PEPD: variants seen among roughly 807,000 people sequenced by gnomAD.
PEPD encodes the protein xaa-Pro dipeptidase.
PEPD carries 53 observed loss-of-function variants against 60.7 expected under a neutral mutation model. The ratio of observed to expected loss-of-function variants is 0.87; its 90% CI spans 0.70 to 1.10. PEPD has a LOEUF of 1.10. Ranked by LOEUF, PEPD falls within the 50% of genes least tolerant of loss-of-function variation. PEPD has a pLI of 0.00. For missense variants in PEPD, 711 were observed against 711.9 expected, an observed-to-expected ratio of 1.00 and a Z score of 0.01; for synonymous variants, 267 against 284.1, an observed-to-expected ratio of 0.94 and a Z score of 0.60.
intron 9 of PEPD, among the ~76,000 whole-genome samples, chr19:33,442,542 T>TTAA (rs1555759971): frequency 1.0e-5 from 1 of 97,188 alleles, no homozygotes; most frequent in Non-Finnish European, 2.3e-5. Context: ...CTACTAAAAA[T>TTAA]AAAATAAAAA....
Position 33,500,925 on chromosome 19 carries a change from G to A in PEPD, c.393+13C>T. 6.5e-7 allele frequency: 1 copy of A among 1,541,448 alleles called. No individual in the cohort carries two copies. Among genetic ancestry groups the A allele is most frequent in the Non-Finnish European group, 9.0e-7 (1 of 1,114,504 alleles). ...AAGCCCTGGGCTGCTCAGAGGAGGA[G>A]CCGGCTACCCACCTCATCTACGTAC... On this transcript the variant is annotated intron_variant, in intron 4 of 14. Transcript: ENST00000244137.
chr19:33,490,106 C>T (rs771356780), intron 5 of PEPD, 49 bp from the exon 6 acceptor site: 1 of 1,301,830 alleles, frequency 7.7e-7, no homozygotes, highest in South Asian at 1.2e-5. Flanking sequence ...ATGGCGCCCC[C>T]ACAGCCTGCA....
intron 9 of PEPD, among the ~76,000 whole-genome samples, chr19:33,425,472 C>T (rs1969125284): frequency 6.6e-6 from 1 of 152,138 alleles, no homozygotes; most frequent in African/African-American, 2.4e-5. Context: ...TCTGGAGGGG[C>T]GAGCAGGGGC....
At chr19:33,484,952 G>A (rs1041638107) in intron 6 of PEPD, among the ~76,000 whole-genome samples, 5 of 152,242 alleles carry the variant, frequency 3.3e-5, no homozygotes, top group Admixed American at 6.5e-5. Context: ...AAGTATCAAC[G>A]AAATCCCACT....
At chr19:33,482,879 G>C (rs1970333671) in intron 6 of PEPD, among the ~76,000 whole-genome samples, 1 of 152,178 alleles carries the variant, frequency 6.6e-6, no homozygotes, top group African/African-American at 2.4e-5. Flanking sequence ...AATCAGGAAA[G>C]ATATAGAAGA....
chr19:33,467,478 T>C (rs1284120320), intron 7 of PEPD, among the ~76,000 whole-genome samples: 1 of 151,234 alleles, frequency 6.6e-6, no homozygotes. Context: ...TAAAGACGGG[T>C]TGGAGAAAAG....
chr19:33,484,408 G>C (rs549649624), intron 6 of PEPD, among the ~76,000 whole-genome samples: 205 of 152,252 alleles, frequency 1.3e-3, no homozygotes, highest in African/African-American at 4.7e-3. Flanking sequence ...AAGTGACCCA[G>C]CACAGAGTGA....
At chr19:33,478,120 A>C in intron 6 of PEPD, 30 bp from the exon 7 acceptor site, 1 of 1,524,200 alleles carries the variant, frequency 6.6e-7, no homozygotes, top group Non-Finnish European at 9.1e-7. Flanking sequence ...CAAGCCCATT[A>C]ATCCAACGGT....
intron 12 of PEPD, among the ~76,000 whole-genome samples, chr19:33,400,916 G>A (rs764459518): frequency 2.6e-5 from 4 of 152,232 alleles, no homozygotes; most frequent in African/African-American, 7.2e-5. Flanking sequence ...CTGGCTGAGC[G>A]GGATGGGGAC....
intron 4 of PEPD, among the ~76,000 whole-genome samples, chr19:33,497,885 C>T (rs1039031318): frequency 3.9e-5 from 6 of 152,164 alleles, no homozygotes; most frequent in African/African-American, 1.4e-4. Flanking sequence ...TGTCCTACAG[C>T]AGCCCTCCTT....
intron 9 of PEPD, among the ~76,000 whole-genome samples, chr19:33,419,343 C>G (rs1387118607): frequency 6.6e-6 from 1 of 152,258 alleles, no homozygotes. Context: ...CCAGGCCCTG[C>G]TGCCCACTCA....
chr19:33,388,416 C>G, intron 13 of PEPD: 1 of 514,824 alleles, frequency 1.9e-6, no homozygotes, highest in Non-Finnish European at 3.6e-6. Flanking sequence ...TAGCCAGGCC[C>G]CGCTGCTGGC....
intron 10 of PEPD, among the ~76,000 whole-genome samples, chr19:33,412,730 T>C (rs1201040412): frequency 6.6e-6 from 1 of 152,228 alleles, no homozygotes; most frequent in African/African-American, 2.4e-5. Flanking sequence ...GACTGAGATT[T>C]CACATGTATT....
chr19:33,477,985 G>T, intron 7 of PEPD, 61 bp downstream of exon 7: 1 of 1,127,564 alleles, frequency 8.9e-7, no homozygotes, highest in Non-Finnish European at 1.3e-6. Context: ...GAACAACAGG[G>T]CATTCCATCC....
At chr19:33,435,550 C>A (rs554357389) in intron 9 of PEPD, among the ~76,000 whole-genome samples, 8 of 152,204 alleles carry the variant, frequency 5.3e-5, no homozygotes, top group Admixed American at 5.2e-4. Context: ...CAGAACCAAC[C>A]CCCCTCGTTC....
At chr19:33,412,683 G>A (rs6510380) in intron 10 of PEPD, among the ~76,000 whole-genome samples, 16,731 of 152,246 alleles carry the variant, frequency 0.11, 2,108 homozygotes, top group African/African-American at 0.31. Context: ...AGAAATAATG[G>A]TTTTCTCTCC....
intron 10 of PEPD, among the ~76,000 whole-genome samples, chr19:33,412,981 TGC>T (rs1968810906): frequency 6.6e-6 from 1 of 152,214 alleles, no homozygotes; most frequent in African/African-American, 2.4e-5. Flanking sequence ...ACCATGTGTG[TGC>T]CTCCAAGCAC....
chr19:33,430,632 T>A (rs987529950), intron 9 of PEPD, among the ~76,000 whole-genome samples: 5 of 152,256 alleles, frequency 3.3e-5, no homozygotes, highest in Non-Finnish European at 5.9e-5. Flanking sequence ...GATTTCCTAC[T>A]GGCATATGTA....
intron 11 of PEPD, among the ~76,000 whole-genome samples, chr19:33,404,977 C>A (rs772319880): frequency 6.6e-6 from 1 of 152,234 alleles, no homozygotes; most frequent in Non-Finnish European, 1.5e-5. Flanking sequence ...ATGGAGAATT[C>A]GGTCATACGT....
Sources: allele counts gnomAD v4.1 joint callset (sites outside exome capture counted in the v4.1 genomes callset), GRCh38; gene constraint gnomAD v4.1.1; transcripts MANE v1.5; gene names NCBI Gene and HGNC (gene_info 2026-07-23, HGNC 2026-07-21).